SHOC2: variants seen among roughly 807,000 people sequenced by gnomAD.
SHOC2 encodes the protein leucine-rich repeat protein SHOC-2.
In SHOC2, 4 loss-of-function variants were observed where a neutral mutation model predicts 50.2. The ratio of observed to expected loss-of-function variants is 0.08; its 90% CI spans 0.04 to 0.18. SHOC2 has a LOEUF of 0.18. SHOC2 is among the 10% of genes least tolerant of loss of function. SHOC2 has a pLI of 1.00. For synonymous variants in SHOC2, 218 were observed against 244.5 expected, an observed-to-expected ratio of 0.89 and a Z score of 1.01; for missense variants, 388 against 669.6, an observed-to-expected ratio of 0.58 and a Z score of 4.64.
At chr10:110,943,861 A>T (rs1847197816) in intron 1 of SHOC2, among the ~76,000 whole-genome samples, 1 of 152,224 alleles carries the variant, frequency 6.6e-6, no homozygotes, top group Non-Finnish European at 1.5e-5. Context: ...CCTTCTATGG[A>T]TCAGTTTTAA....
intron 3 of SHOC2, among the ~76,000 whole-genome samples, chr10:110,994,546 G>T (rs1456440709): frequency 3.3e-5 from 5 of 152,088 alleles, no homozygotes; most frequent in African/African-American, 1.2e-4. Context: ...CACATGACAT[G>T]AAACACTTTA....
chr10:111,009,220 CTAAACATTATCAA>C lies in SHOC2; in HGVS notation c.1285-24_1285-12del. 6.9e-7 allele frequency: 1 copy of C among 1,443,684 alleles called. No homozygotes were observed. The highest frequency in any genetic ancestry group is 9.7e-7 in the Non-Finnish European group (1 of 1,028,192). 89.4% of individuals were successfully genotyped at this position (1,443,684 alleles called of 1,614,324 possible). On this transcript the variant is annotated splice_polypyrimidine_tract_variant and intron_variant, in intron 6 of 8. Transcript: ENST00000369452. Reference sequence around the variant, plus strand: ...GTATATAATTTCATTTCATGATTTCCTAAACATTATCAATAATTTCTCATTAGGTTCTTATCTT... The same window carrying C: ...GTATATAATTTCATTTCATGATTTCCTAATTTCTCATTAGGTTCTTATCTT...
At chr10:110,962,523 C>A (rs976604673) in intron 1 of SHOC2, among the ~76,000 whole-genome samples, 2 of 151,918 alleles carry the variant, frequency 1.3e-5, no homozygotes, top group African/African-American at 4.8e-5. Flanking sequence ...GGTGTGCTAG[C>A]AAATAATGAT....
chr10:110,959,945 C>A (rs1847540577), intron 1 of SHOC2, among the ~76,000 whole-genome samples: 1 of 152,162 alleles, frequency 6.6e-6, no homozygotes, highest in African/African-American at 2.4e-5. Context: ...TCTTGGCAGC[C>A]CCTAAGAGTA....
intron 2 of SHOC2, among the ~76,000 whole-genome samples, chr10:110,978,893 A>G (rs555077866): frequency 1.6e-4 from 24 of 152,198 alleles, no homozygotes; most frequent in Non-Finnish European, 2.2e-4. Context: ...TAGTTACTTC[A>G]TGGTAAAAGC....
chr10:110,997,657 A>T (rs1848293752), intron 3 of SHOC2, among the ~76,000 whole-genome samples: 1 of 152,178 alleles, frequency 6.6e-6, no homozygotes, highest in Non-Finnish European at 1.5e-5. Context: ...TATATATTGA[A>T]CATCTATTAT....
chr10:110,974,816 A>C (rs979725547), intron 2 of SHOC2, among the ~76,000 whole-genome samples: 3 of 152,148 alleles, frequency 2.0e-5, no homozygotes, highest in African/African-American at 7.2e-5. Flanking sequence ...TCGTACAATT[A>C]TTGTCAATAC....
intron 1 of SHOC2, among the ~76,000 whole-genome samples, chr10:110,934,327 T>C (rs1477688235): frequency 6.6e-6 from 1 of 152,136 alleles, no homozygotes; most frequent in Non-Finnish European, 1.5e-5. Context: ...ACAACCTAAA[T>C]ATCAGTTGAT....
Position 110,965,078 on chromosome 10 carries a change from T to G in SHOC2, c.703+17T>G, listed in dbSNP as rs767525446. The G allele has an allele frequency of 2.4e-5, 39 of 1,597,998 alleles. No individual in the cohort carries two copies. Among genetic ancestry groups the G allele is most frequent in the Middle Eastern group, 1.7e-4 (1 of 6,052 alleles). On this transcript the variant is annotated intron_variant, in intron 2 of 8. Coordinates refer to ENST00000369452, the MANE Select transcript of SHOC2 (RefSeq NM_007373.4). Reference sequence around the variant, plus strand: ...CTGAAATTGGTAAGAGGCCTTGGATTATTATTATTTGTAGTATTTGTTATG... The same window carrying G: ...CTGAAATTGGTAAGAGGCCTTGGATGATTATTATTTGTAGTATTTGTTATG...
rs1460525560 is a variant in SHOC2 at position 111,003,677 on chromosome 10, C to A, written c.973-929C>A. On this transcript the variant is annotated intron_variant, in intron 4 of 8. Coordinates refer to ENST00000369452, the MANE Select transcript of SHOC2 (RefSeq NM_007373.4). ...ACAGGATTTCTCAGATGTTAATGAG[C>A]ATGCAGATCACCTGGGAATCTTGTT... 7.2e-5 allele frequency among the ~76,000 whole-genome samples: 11 copies of A among 152,262 alleles called. No individual in the cohort carries two copies. In the East Asian group the frequency reaches 1.9e-3, roughly 27 times the overall value.
intron 3 of SHOC2, among the ~76,000 whole-genome samples, chr10:110,987,406 TAATA>T (rs1203372944): frequency 6.6e-6 from 1 of 152,184 alleles, no homozygotes; most frequent in African/African-American, 2.4e-5. Flanking sequence ...GACATGGATG[TAATA>T]AATAGCCGTT....
intron 6 of SHOC2, 136 bp downstream of exon 6, chr10:111,007,789 A>G: frequency 1.2e-6 from 1 of 848,478 alleles, no homozygotes; most frequent in South Asian, 1.5e-5. Flanking sequence ...TAAACATACA[A>G]CCCTAATAGG....
chr10:111,007,030 A>G (rs1848481932), intron 5 of SHOC2, among the ~76,000 whole-genome samples: 1 of 152,040 alleles, frequency 6.6e-6, no homozygotes, highest in African/African-American at 2.4e-5. Context: ...TTAGTGTTTT[A>G]ATGATTTAAT....
chr10:110,998,592 T>C (rs535735427), intron 3 of SHOC2, among the ~76,000 whole-genome samples: 1 of 152,336 alleles, frequency 6.6e-6, no homozygotes, highest in African/African-American at 2.4e-5. Flanking sequence ...CAGTAAACTC[T>C]TGGCCCAGTT....
At chr10:110,976,775 C>G (rs1016477288) in intron 2 of SHOC2, among the ~76,000 whole-genome samples, 25 of 152,066 alleles carry the variant, frequency 1.6e-4, no homozygotes, top group Middle Eastern at 3.2e-3. Flanking sequence ...TTATAAGCCT[C>G]TTGGATCTGT....
rs1405736988 is a variant in SHOC2, at chr10:110,944,064, C to A, written c.-234-20061C>A. On this transcript the variant is annotated intron_variant, in intron 1 of 8. Coordinates refer to ENST00000369452, the MANE Select transcript of SHOC2 (RefSeq NM_007373.4). ...AAAGGAAGACCTGCCTATTATCTCC[C>A]TGCTTTTTTGTTATTACAGAAAAAC... Among the ~76,000 whole-genome samples, 5 of 152,342 alleles carry A rather than the reference C, an allele frequency of 3.3e-5. No homozygotes were observed. The East Asian group carries it at 9.6e-4, about 29-fold the overall frequency.
At chr10:110,971,874 T>C (rs1328175753) in intron 2 of SHOC2, among the ~76,000 whole-genome samples, 1 of 152,032 alleles carries the variant, frequency 6.6e-6, no homozygotes, top group East Asian at 1.9e-4. Flanking sequence ...TTATATTTGA[T>C]TATAAGTCAA....
chr10:111,000,435 C>A lies in SHOC2; in HGVS notation c.862C>A (p.Arg288Ser). 1 of 1,613,610 alleles carries A rather than the reference C, an allele frequency of 6.2e-7. No individual in the cohort carries two copies. Among genetic ancestry groups the A allele is most frequent in the South Asian group, 1.1e-5 (1 of 91,048 alleles). ...DTIGNLSSLSRLGLRYNRLSA... is the reference protein window; with the variant it reads ...DTIGNLSSLSSLGLRYNRLSA... ...TACAGGAAACCTGTCCAGTTTAAGT[C>A]GTCTTGGTCTGAGATATAACAGACT... The change falls in exon 4 of 9, where the codon CGT becomes AGT. Residue 288 changes from arginine to serine, a missense_variant. By Grantham distance (110) the Arg-to-Ser change is moderately radical. Coordinates refer to ENST00000369452, the MANE Select transcript of SHOC2 (RefSeq NM_007373.4).
At chr10:110,961,620 A>G (rs1847573580) in intron 1 of SHOC2, among the ~76,000 whole-genome samples, 2 of 152,076 alleles carry the variant, frequency 1.3e-5, no homozygotes, top group African/African-American at 2.4e-5. Context: ...AGCAAATCTC[A>G]TTAGGTACAA....
Sources: allele counts gnomAD v4.1 joint callset (sites outside exome capture counted in the v4.1 genomes callset), GRCh38; gene constraint gnomAD v4.1.1; transcripts MANE v1.5; gene names NCBI Gene and HGNC (gene_info 2026-07-23, HGNC 2026-07-21).